Variants in COL23A1 observed in about 807,000 individuals in gnomAD.
COL23A1 encodes the protein collagen alpha-1(XXIII) chain.
In COL23A1, 97 loss-of-function variants were observed where a neutral mutation model predicts 99.3. The ratio of observed to expected loss-of-function variants is 0.98; its 90% CI spans 0.83 to 1.16. The LOEUF is 1.16. Among genes scored for constraint, COL23A1 ranks in the 50% most tolerant of loss-of-function variants. The pLI is 0.00. For missense variants in COL23A1, 762 were observed against 757.4 expected, an observed-to-expected ratio of 1.01 and a Z score of -0.07; for synonymous variants, 320 against 308.2, an observed-to-expected ratio of 1.04 and a Z score of -0.40.
At chr5:178,500,577 G>A (rs1045553178) in intron 2 of COL23A1, among the ~76,000 whole-genome samples, 1 of 150,734 alleles carries the variant, frequency 6.6e-6, no homozygotes, top group African/African-American at 2.4e-5. Flanking sequence ...TGTACTCTAG[G>A]CTGGGAGGAA....
At chr5:178,390,046 G>A (rs983625086) in intron 2 of COL23A1, among the ~76,000 whole-genome samples, 2 of 152,162 alleles carry the variant, frequency 1.3e-5, no homozygotes, top group Non-Finnish European at 2.9e-5. Context: ...GGATCTGTGG[G>A]ATCCAAGCCA....
At chr5:178,263,515 G>A (rs1389814525) in intron 8 of COL23A1, among the ~76,000 whole-genome samples, 191 bp from the exon 9 acceptor site, 2 of 152,200 alleles carry the variant, frequency 1.3e-5, no homozygotes, top group Non-Finnish European at 2.9e-5. Context: ...CCCATACCTT[G>A]GTGTAAGAGG....
chr5:178,268,989 G>A (rs1313443429), intron 6 of COL23A1, among the ~76,000 whole-genome samples: 1 of 152,098 alleles, frequency 6.6e-6, no homozygotes, highest in African/African-American at 2.4e-5. Context: ...GACCAGCAAG[G>A]GCCCACTGGC....
At chr5:178,253,486 T>G in intron 16 of COL23A1, among the ~76,000 whole-genome samples, 1 of 151,728 alleles carries the variant, frequency 6.6e-6, no homozygotes, top group Middle Eastern at 3.4e-3. Flanking sequence ...TATTTTTTAT[T>G]TTTTTTTTAT....
rs540491735 is a variant in COL23A1 at position 178,403,260 on chromosome 5, T to G, written c.362-96341A>C. On this transcript the variant is annotated intron_variant, in intron 2 of 28. Coordinates refer to ENST00000390654, the MANE Select transcript of COL23A1 (RefSeq NM_173465.4). The stretch of plus-strand genomic sequence containing the variant: ...TTTAATCCTTACATTAGCCCCAATT[T>G]ACTGAGGACAAGACTTAGACACAGT... 1.5e-3 allele frequency among the ~76,000 whole-genome samples: 221 copies of G among 152,172 alleles called. 1 individual carries two copies. Among genetic ancestry groups the G allele is most frequent in the Non-Finnish European group, 2.8e-3 (193 of 68,042 alleles).
chr5:178,298,065 C>A (rs144353599), intron 3 of COL23A1, among the ~76,000 whole-genome samples: 1 of 152,178 alleles, frequency 6.6e-6, no homozygotes, highest in East Asian at 1.9e-4. Flanking sequence ...AGCCCTTCTG[C>A]GCACGGCCTT....
chr5:178,352,575 A>G (rs1394907027), intron 2 of COL23A1, among the ~76,000 whole-genome samples: 1 of 152,212 alleles, frequency 6.6e-6, no homozygotes, highest in African/African-American at 2.4e-5. Context: ...CCTCTTTTCA[A>G]TACACAGCAA....
intron 24 of COL23A1, 21 bp downstream of exon 24, chr5:178,246,233 A>C (rs1353021293): frequency 6.4e-7 from 1 of 1,552,714 alleles, no homozygotes; most frequent in African/African-American, 1.4e-5. Context: ...TTGGAGAGGG[A>C]GTTCCGAATG....
intron 2 of COL23A1, among the ~76,000 whole-genome samples, chr5:178,430,913 T>C (rs892005561): frequency 1.3e-5 from 2 of 152,032 alleles, no homozygotes; most frequent in Non-Finnish European, 2.9e-5. Context: ...CCTCACGTGA[T>C]GCCCTGGGTG....
intron 2 of COL23A1, among the ~76,000 whole-genome samples, chr5:178,350,573 T>C (rs1761264982): frequency 6.6e-6 from 1 of 152,150 alleles, no homozygotes; most frequent in African/African-American, 2.4e-5. Flanking sequence ...GCCCCAAGGA[T>C]TCCTCACCAG....
At chr5:178,477,015 C>T (rs1411836188) in intron 2 of COL23A1, among the ~76,000 whole-genome samples, 1 of 152,208 alleles carries the variant, frequency 6.6e-6, no homozygotes, top group Admixed American at 6.5e-5. Context: ...CCTCTGGCCT[C>T]ACTTTGCCCA....
At chr5:178,239,357 G>C (rs1561777261) in intron 27 of COL23A1, among the ~76,000 whole-genome samples, 178 bp from the exon 28 acceptor site, 1 of 152,202 alleles carries the variant, frequency 6.6e-6, no homozygotes, top group Non-Finnish European at 1.5e-5. Flanking sequence ...GTGGGGTCAT[G>C]GGGTCATGGG....
chr5:178,252,596 C>A lies in COL23A1; in HGVS notation c.962G>T (p.Gly321Val). 2 of 1,609,554 alleles carry A rather than the reference C, an allele frequency of 1.2e-6. No individual in the cohort carries two copies. The highest frequency in any genetic ancestry group is 2.2e-5 in the South Asian group (2 of 89,892). The change falls in exon 17 of 29, where the codon GGG becomes GTG. Residue 321 changes from glycine (G) to valine (V), a missense_variant and splice_region_variant. Physicochemically the swap from Gly to Val is moderately radical, Grantham distance 109. Coordinates refer to ENST00000390654, the MANE Select transcript of COL23A1 (RefSeq NM_173465.4). Reference sequence around the variant, plus strand: ...TGGGGGCCCCTGTGGTCCGGGAGGCCCCTGTGTGTGAGAGTGAAGCCGGTC... The same window carrying A: ...TGGGGGCCCCTGTGGTCCGGGAGGCACCTGTGTGTGAGAGTGAAGCCGGTC... ...YDGRILDALK[G>V]PPGPQGPPGP...
intron 9 of COL23A1, 71 bp downstream of exon 9, chr5:178,263,137 G>C (rs1765723846): frequency 1.6e-5 from 18 of 1,094,860 alleles, no homozygotes; most frequent in Non-Finnish European, 2.4e-5. Context: ...ATGGGGATGG[G>C]GCTGGCTCTG....
At chr5:178,328,171 CCA>C (rs1057285894) in intron 2 of COL23A1, among the ~76,000 whole-genome samples, 59 of 152,290 alleles carry the variant, frequency 3.9e-4, no homozygotes, top group African/African-American at 1.4e-3. Context: ...TCCTCCTCTG[CCA>C]CGGCGAATGT....
rs374805399 is a variant in COL23A1 at position 178,288,566 on chromosome 5, G to A, written c.415-216C>T. ...AGGCTGGAGGGACCAAGAGCCTCAG[G>A]GCTTCATCGGGGCTCCGGGCACAGT... On this transcript the variant is annotated intron_variant, in intron 4 of 28. Coordinates refer to ENST00000390654, the MANE Select transcript of COL23A1 (RefSeq NM_173465.4). 47 of 624,838 alleles carry A rather than the reference G, an allele frequency of 7.5e-5. No homozygotes were observed. The African/African-American group carries it at 8.1e-4, about 11-fold the overall frequency. 38.7% of individuals were successfully genotyped at this position (624,838 alleles called of 1,614,324 possible).
chr5:178,477,091 G>A (rs1434389764), intron 2 of COL23A1, among the ~76,000 whole-genome samples: 1 of 152,242 alleles, frequency 6.6e-6, no homozygotes, highest in Non-Finnish European at 1.5e-5. Context: ...AAGGGGCTCT[G>A]TAAGCAATGA....
At chr5:178,517,566 T>TG (rs1759599156) in intron 2 of COL23A1, among the ~76,000 whole-genome samples, 4 of 108,656 alleles carry the variant, frequency 3.7e-5, no homozygotes, top group South Asian at 3.7e-4. Context: ...AGTTTTTTTT[T>TG]TGTTTTTTTT....
chr5:178,557,328 T>A (rs1762329114), intron 2 of COL23A1, among the ~76,000 whole-genome samples: 1 of 152,206 alleles, frequency 6.6e-6, no homozygotes, highest in Non-Finnish European at 1.5e-5. Context: ...AAAGACCCTA[T>A]TTTCAAAGGT....
Sources: allele counts gnomAD v4.1 joint callset (sites outside exome capture counted in the v4.1 genomes callset), GRCh38; gene constraint gnomAD v4.1.1; transcripts MANE v1.5; gene names NCBI Gene and HGNC (gene_info 2026-07-23, HGNC 2026-07-21).